ATP8A1: variants seen among roughly 807,000 people sequenced by gnomAD.
ATP8A1 encodes phospholipid-transporting ATPase IA.
ATP8A1 carries 90 observed loss-of-function variants against 177.7 expected under a neutral mutation model. The observed-to-expected ratio is 0.51, with a 90% confidence interval of 0.43 to 0.60. The LOEUF (loss-of-function observed/expected upper bound fraction) is 0.60, where lower values mean the gene tolerates loss of function less well. Ranked by LOEUF, ATP8A1 falls within the 20% of genes least tolerant of loss-of-function variation. The probability of loss-of-function intolerance (pLI) is 0.00; values close to 1 mark genes in which losing one functional copy is unlikely to be tolerated. For missense variants in ATP8A1, 1,072 were observed against 1,392.8 expected (o/e 0.77, Z 3.67); for synonymous variants, 493 against 485.9 (o/e 1.01, Z -0.19).
chr4:42,561,378 TCAAAGG>T lies in ATP8A1; in HGVS notation c.1341-5344_1341-5339del, dbSNP rs1249120909. The T allele has an allele frequency of 1.4e-3, 213 of 152,386 alleles. 1 individual carries two copies. The highest frequency in any genetic ancestry group is 4.8e-3 in the African/African-American group (199 of 41,572). 9.4% of individuals were successfully genotyped at this position (152,386 alleles called of 1,614,324 possible). A position where few individuals can be genotyped will look rare whatever the true frequency, so the allele number is the denominator to read the frequency against. On this transcript the variant is annotated intron_variant, in intron 15 of 36. Coordinates refer to ENST00000381668, the MANE Select transcript of ATP8A1 (RefSeq NM_006095.2). ...ACACTGAGGTGGACATGCCAATGGC[TCAAAGG>T]TAGGCAGCCCTCCAGACATCCCTCT... is the stretch of plus-strand genomic sequence containing the variant.
chr4:42,528,205 T>C (rs765694437), intron 20 of ATP8A1, among the ~76,000 whole-genome samples: 22 of 152,156 alleles, frequency 1.4e-4, no homozygotes, highest in Non-Finnish European at 3.2e-4. Flanking sequence ...ATAATTGGCA[T>C]AGACATACTT....
chr4:42,541,247 T>C (rs1005834527), intron 20 of ATP8A1, among the ~76,000 whole-genome samples: 8 of 152,304 alleles, frequency 5.3e-5, no homozygotes, highest in African/African-American at 9.6e-5. Context: ...AGAAGACATA[T>C]AGATGTTAAA....
At chr4:42,538,658 G>C (rs971611258) in intron 20 of ATP8A1, among the ~76,000 whole-genome samples, 1 of 152,140 alleles carries the variant, frequency 6.6e-6, no homozygotes, top group Non-Finnish European at 1.5e-5. Context: ...ATGAAAAAAT[G>C]CTCAACATCA....
intron 24 of ATP8A1, among the ~76,000 whole-genome samples, chr4:42,494,690 T>C (rs1359238763): frequency 1.3e-5 from 2 of 152,236 alleles, no homozygotes; most frequent in Non-Finnish European, 2.9e-5. Flanking sequence ...ACTGATTTTC[T>C]CTCTTAATTT....
intron 22 of ATP8A1, among the ~76,000 whole-genome samples, chr4:42,520,688 A>G (rs1428925038): frequency 1.3e-5 from 2 of 152,174 alleles, no homozygotes; most frequent in African/African-American, 2.4e-5. Context: ...AAGACACCAT[A>G]CATGCTATCC....
chr4:42,476,087 A>G (rs1452442237), intron 25 of ATP8A1, among the ~76,000 whole-genome samples: 1 of 152,142 alleles, frequency 6.6e-6, no homozygotes, highest in Non-Finnish European at 1.5e-5. Context: ...CCTGTTGTTC[A>G]GCTACTAAGA....
intron 33 of ATP8A1, among the ~76,000 whole-genome samples, chr4:42,427,961 T>C (rs575915209): frequency 1.4e-4 from 22 of 152,362 alleles, no homozygotes; most frequent in Admixed American, 1.0e-3. Flanking sequence ...TGTGGGTTGT[T>C]ATAAATAACA....
chr4:42,582,052 T>A lies in ATP8A1; in HGVS notation c.723-320A>T, dbSNP rs541190230. On this transcript the variant is annotated intron_variant, in intron 9 of 36. Transcript: ENST00000381668. ...TTGGAAATGACCCTTCGGGAGCTAA[T>A]GTGATTTAGAAGAGGTCATGAGGGT... Among the ~76,000 whole-genome samples the A allele has an allele frequency of 2.6e-5, 4 of 152,236 alleles. No individual in the cohort carries two copies. The South Asian group carries it at 8.3e-4, about 32-fold the overall frequency.
chr4:42,446,746 A>T, intron 30 of ATP8A1, 102 bp from the exon 31 acceptor site: 1 of 996,446 alleles, frequency 1.0e-6, no homozygotes, highest in Non-Finnish European at 1.5e-6. Flanking sequence ...AAATCAAGGG[A>T]TACACAATGG....
rs553861001 is a variant in ATP8A1, at chr4:42,414,876, G to T, written c.3306-158C>A. The T allele has an allele frequency of 1.3e-5, 8 of 616,794 alleles. No individual in the cohort carries two copies. The Admixed American group carries it at 1.3e-4, about 10-fold the overall frequency. 38.2% of individuals were successfully genotyped at this position (616,794 alleles called of 1,614,324 possible). ...TTACACATTTTCTCAGATAGCGAAT[G>T]AAATTTCAAGTATTTAGACAGACTT... On this transcript the variant is annotated intron_variant, in intron 35 of 36. Transcript: ENST00000381668.
In ATP8A1 at chr4:42,575,696, G is replaced by C. The variant is rs765859006; in HGVS notation, c.1132C>G (p.Leu378Val). ...TCTGTGGGTTCATAGTGCATGTCAA[G>C]ATCCTTTAATAAAATTAAGTAAATC... ...FTQAYFINWDLDMHYEPTDTA... is the reference protein window; with the variant it reads ...FTQAYFINWDVDMHYEPTDTA... Residue 378 changes from leucine (L) to valine (V), a missense_variant, in exon 13 of 37, where the codon CTT becomes GTT. Leu to Val is a conservative substitution (Grantham distance 32). Around this residue, in one of 5 missense-constraint regions of ATP8A1, gnomAD observed 388 missense variants for 471.7 expected, o/e 0.82. Transcript: ENST00000381668. 6.2e-7 allele frequency: 1 copy of C among 1,612,328 alleles called. No homozygotes were observed. Among genetic ancestry groups the C allele is most frequent in the Non-Finnish European group, 8.5e-7 (1 of 1,178,846 alleles).
At chr4:42,471,969 G>T in intron 25 of ATP8A1, 1 of 701,014 alleles carries the variant, frequency 1.4e-6, no homozygotes, top group Admixed American at 1.8e-5. Context: ...AGCCTAAGTT[G>T]GTGGTGTCCA....
chr4:42,516,924 A>C (rs1482645017), intron 22 of ATP8A1, among the ~76,000 whole-genome samples: 1 of 152,218 alleles, frequency 6.6e-6, no homozygotes, highest in East Asian at 1.9e-4. Context: ...ATTTCAGAGA[A>C]ACCCCTGCCA....
At chr4:42,536,807 G>A (rs1429330314) in intron 20 of ATP8A1, among the ~76,000 whole-genome samples, 1 of 152,104 alleles carries the variant, frequency 6.6e-6, no homozygotes. Context: ...GTCAATAAAT[G>A]TGACACACCA....
At chr4:42,585,070 A>C (rs908074042) in intron 9 of ATP8A1, among the ~76,000 whole-genome samples, 2 of 152,164 alleles carry the variant, frequency 1.3e-5, no homozygotes, top group Admixed American at 6.5e-5. Flanking sequence ...TCATGTAATG[A>C]CAGAACTAAT....
intron 23 of ATP8A1, among the ~76,000 whole-genome samples, chr4:42,504,411 G>A (rs1158679788): frequency 1.3e-5 from 2 of 152,142 alleles, no homozygotes; most frequent in African/African-American, 4.8e-5. Context: ...CATCATTTGG[G>A]TTAATGGTAA....
rs533905218 is a variant in ATP8A1, at chr4:42,573,601, C to T, written c.1295+1018G>A. Reference sequence around the variant, plus strand: ...AGCCACTCAACTGCCTTTTTAACCTCGTTTATACATATAGTTTATAGTCAT... The same window carrying T: ...AGCCACTCAACTGCCTTTTTAACCTTGTTTATACATATAGTTTATAGTCAT... On this transcript the variant is annotated intron_variant, in intron 14 of 36. Transcript: ENST00000381668. Among the ~76,000 whole-genome samples the T allele has an allele frequency of 1.6e-4, 24 of 152,238 alleles. No individual in the cohort carries two copies. The South Asian group carries it at 3.9e-3, about 25-fold the overall frequency.
At chr4:42,649,336 A>G (rs1042015939) in intron 1 of ATP8A1, among the ~76,000 whole-genome samples, 1 of 152,224 alleles carries the variant, frequency 6.6e-6, no homozygotes, top group African/African-American at 2.4e-5. Flanking sequence ...TGGCACAGAT[A>G]TCCATAAAAT....
intron 25 of ATP8A1, among the ~76,000 whole-genome samples, chr4:42,478,622 G>C (rs1676050756): frequency 1.3e-5 from 2 of 152,178 alleles, no homozygotes; most frequent in South Asian, 4.2e-4. Context: ...AGACTCTAGG[G>C]AGATGGCTAG....
Sources: allele counts gnomAD v4.1 joint callset (sites outside exome capture counted in the v4.1 genomes callset), GRCh38; gene constraint gnomAD v4.1.1; regional missense constraint gnomAD v4.1.1; transcripts MANE v1.5; gene names NCBI Gene and HGNC (gene_info 2026-07-23, HGNC 2026-07-21).